The following SDCCAG8 variants were observed in gnomAD, a reference collection of about 807,000 sequenced individuals.
The protein encoded by SDCCAG8 is serologically defined colon cancer antigen 8.
A neutral mutation model predicts 101.8 loss-of-function variants in SDCCAG8; 74 were observed. The observed-to-expected ratio is 0.73, with a 90% confidence interval of 0.60 to 0.88. SDCCAG8 has a LOEUF of 0.88. SDCCAG8 is among the 40% of genes least tolerant of loss of function. The pLI is 0.00. For missense variants in SDCCAG8, 787 were observed against 822.6 expected (o/e 0.96, Z 0.53); for synonymous variants, 281 against 292.9 (o/e 0.96, Z 0.41).
intron 16 of SDCCAG8, among the ~76,000 whole-genome samples, chr1:243,482,911 C>A (rs908418152): frequency 6.6e-6 from 1 of 152,280 alleles, no homozygotes; most frequent in East Asian, 1.9e-4. Flanking sequence ...TGTTTCCTGC[C>A]GCATGGAGGG....
chr1:243,358,412 C>T (rs1472726204), intron 12 of SDCCAG8, among the ~76,000 whole-genome samples: 1 of 151,986 alleles, frequency 6.6e-6, no homozygotes, highest in Non-Finnish European at 1.5e-5. Flanking sequence ...AGATGAGAAA[C>T]CATTTCACAT....
At chr1:243,268,058 T>C in intron 1 of SDCCAG8, 1 of 764,442 alleles carries the variant, frequency 1.3e-6, no homozygotes, top group Non-Finnish European at 2.4e-6. Flanking sequence ...AAGCCTCTGA[T>C]CTCTGAGACT....
At chr1:243,342,104 A>G (rs1176207793) in intron 11 of SDCCAG8, among the ~76,000 whole-genome samples, 1 of 152,152 alleles carries the variant, frequency 6.6e-6, no homozygotes, top group Non-Finnish European at 1.5e-5. Context: ...CCTATTAGCT[A>G]ATGTAGAAGT....
intron 5 of SDCCAG8, among the ~76,000 whole-genome samples, chr1:243,290,552 G>T (rs2070146855): frequency 6.6e-6 from 1 of 151,874 alleles, no homozygotes; most frequent in Non-Finnish European, 1.5e-5. Context: ...CCATGGTGTG[G>T]TATACTCTCA....
chr1:243,431,979 A>C (rs2081807011), intron 16 of SDCCAG8, among the ~76,000 whole-genome samples: 2 of 152,216 alleles, frequency 1.3e-5, no homozygotes, highest in South Asian at 4.1e-4. Context: ...ATGAGTTTAA[A>C]ATAGGTAATT....
intron 13 of SDCCAG8, among the ~76,000 whole-genome samples, chr1:243,399,207 C>G (rs1177106221): frequency 6.6e-6 from 1 of 152,078 alleles, no homozygotes; most frequent in Non-Finnish European, 1.5e-5. Flanking sequence ...TTCCTAATAC[C>G]AACGGTGGTT....
At chr1:243,275,835 A>C (rs1029705126) in intron 4 of SDCCAG8, among the ~76,000 whole-genome samples, 1 of 143,042 alleles carries the variant, frequency 7.0e-6, no homozygotes, top group African/African-American at 2.6e-5. Flanking sequence ...TTTCTATGGG[A>C]GAGAGAGATC....
At chr1:243,290,428 A>G (rs2070133467) in intron 5 of SDCCAG8, among the ~76,000 whole-genome samples, 1 of 152,016 alleles carries the variant, frequency 6.6e-6, no homozygotes. Context: ...GCTCCCTCCA[A>G]TTTCTCCATA....
At chr1:243,425,735 G>C (rs1443537272) in intron 15 of SDCCAG8, among the ~76,000 whole-genome samples, 2 of 152,154 alleles carry the variant, frequency 1.3e-5, no homozygotes, top group South Asian at 2.1e-4. Flanking sequence ...TTCAAATTTT[G>C]AGACTTGGAT....
intron 12 of SDCCAG8, among the ~76,000 whole-genome samples, chr1:243,346,726 CT>C (rs1295704645): frequency 1.3e-5 from 2 of 152,134 alleles, no homozygotes; most frequent in African/African-American, 4.8e-5. Flanking sequence ...CCATCAACTC[CT>C]TTGTATCTCT....
chr1:243,430,648 C>T (rs2081675378), intron 16 of SDCCAG8, among the ~76,000 whole-genome samples: 2 of 151,606 alleles, frequency 1.3e-5, no homozygotes, highest in South Asian at 4.2e-4. Flanking sequence ...CCGTATTGGA[C>T]AGCATGGTCT....
chr1:243,426,482 A>G lies in SDCCAG8; in HGVS notation c.1909A>G (p.Lys637Glu). The change falls in exon 16 of 18, where the codon AAG (lysine) becomes GAG (glutamate). Residue 637 changes from lysine to glutamate, a missense_variant. Transcript: ENST00000366541. ...AAGGTATACATATGATAAATTGGGAAAGTTACAGAGAAGAAATGAAGAATT... is the reference window on the plus strand; with the variant it reads ...AAGGTATACATATGATAAATTGGGAGAGTTACAGAGAAGAAATGAAGAATT... Reference protein sequence around the residue: ...EKRYTYDKLGKLQRRNEELEE... With the variant: ...EKRYTYDKLGELQRRNEELEE... 6.2e-7 allele frequency: 1 copy of G among 1,613,960 alleles called. No individual in the cohort carries two copies. Among genetic ancestry groups the G allele is most frequent in the Non-Finnish European group, 8.5e-7 (1 of 1,179,894 alleles).
chr1:243,297,458 C>G (rs149843222), intron 6 of SDCCAG8, among the ~76,000 whole-genome samples: 2 of 152,218 alleles, frequency 1.3e-5, no homozygotes, highest in African/African-American at 4.8e-5. Context: ...AATTCTTGCT[C>G]TCAGGATATG....
At chr1:243,407,512 A>G (rs2079870743) in intron 13 of SDCCAG8, among the ~76,000 whole-genome samples, 1 of 152,202 alleles carries the variant, frequency 6.6e-6, no homozygotes, top group African/African-American at 2.4e-5. Flanking sequence ...TTGTTTTAAA[A>G]GTAGATGGGA....
intron 3 of SDCCAG8, among the ~76,000 whole-genome samples, chr1:243,273,285 C>G (rs958804614): frequency 6.6e-6 from 1 of 152,116 alleles, no homozygotes; most frequent in Non-Finnish European, 1.5e-5. Flanking sequence ...GAAACAGACA[C>G]TGTGCCTCAT....
At chr1:243,366,531 A>G (rs1192768374) in intron 12 of SDCCAG8, among the ~76,000 whole-genome samples, 1 of 152,050 alleles carries the variant, frequency 6.6e-6, no homozygotes, top group Admixed American at 6.6e-5. Context: ...CATAATGTGA[A>G]AATGATGTTT....
At chr1:243,394,685 T>C (rs1428141072) in intron 13 of SDCCAG8, among the ~76,000 whole-genome samples, 1 of 152,226 alleles carries the variant, frequency 6.6e-6, no homozygotes, top group African/African-American at 2.4e-5. Flanking sequence ...TTAAGGAGTT[T>C]AAATATTTTA....
chr1:243,357,458 A>G (rs2076453608), intron 12 of SDCCAG8, among the ~76,000 whole-genome samples: 1 of 152,194 alleles, frequency 6.6e-6, no homozygotes, highest in Non-Finnish European at 1.5e-5. Context: ...AAAGGATGGA[A>G]GGAAAGGCTT....
intron 7 of SDCCAG8, chr1:243,305,620 G>T (rs966057246): frequency 6.6e-6 from 1 of 152,108 alleles, no homozygotes; most frequent in African/African-American, 2.4e-5. Flanking sequence ...GAAAAAGACA[G>T]CAGGAATTAA....
Sources: gnomAD v4.1 joint callset for allele counts (sites outside exome capture counted in the v4.1 genomes callset) on GRCh38, gnomAD v4.1.1 for gene constraint, MANE v1.5 for transcripts, NCBI Gene and HGNC (gene_info 2026-07-23, HGNC 2026-07-21) for gene names.